TNKS: variants seen among roughly 807,000 people sequenced by gnomAD.
TNKS encodes poly [ADP-ribose] polymerase tankyrase-1.
A neutral mutation model predicts 135.8 loss-of-function variants in TNKS; 72 were observed. The observed-to-expected ratio is 0.53, with a 90% CI of 0.44 to 0.64. The LOEUF (loss-of-function observed/expected upper bound fraction) is 0.64, where lower values mean the gene tolerates loss of function less well. Among genes scored for constraint, TNKS ranks in the 30% least tolerant of loss-of-function variants. The pLI is 0.00. For synonymous variants in TNKS, 849 were observed against 649.3 expected (o/e 1.31, Z -4.68); for missense variants, 1,769 against 1,674.0 (o/e 1.06, Z -0.99).
intron 5 of TNKS, among the ~76,000 whole-genome samples, chr8:9,683,015 G>GA (rs1258208796): frequency 6.6e-6 from 1 of 151,690 alleles, no homozygotes; most frequent in Non-Finnish European, 1.5e-5. Flanking sequence ...AAATTAGATA[G>GA]AAAAAATTAA....
chr8:9,707,221 G>A (rs1804090495), intron 8 of TNKS, among the ~76,000 whole-genome samples: 1 of 152,062 alleles, frequency 6.6e-6, no homozygotes, highest in African/African-American at 2.4e-5. Context: ...TTCGTATGTT[G>A]AAGCTCCTTT....
chr8:9,639,734 T>C (rs1427244474), intron 3 of TNKS, among the ~76,000 whole-genome samples: 1 of 152,178 alleles, frequency 6.6e-6, no homozygotes, highest in Admixed American at 6.5e-5. Context: ...TCTTAGGGGA[T>C]TCTGGTTTGT....
At chr8:9,735,507 A>T in intron 17 of TNKS, 21 bp downstream of exon 17, 1 of 1,604,074 alleles carries the variant, frequency 6.2e-7, no homozygotes, top group African/African-American at 1.3e-5. Flanking sequence ...TAACATTAAA[A>T]TCTAGAAAAC....
At chr8:9,741,656 C>G (rs1401723970) in intron 17 of TNKS, 1 of 491,694 alleles carries the variant, frequency 2.0e-6, no homozygotes. Flanking sequence ...CTTTTGATCC[C>G]CATCAGTTAA....
chr8:9,779,695 A>G lies in TNKS; in HGVS notation c.*2959A>G, dbSNP rs1808382054. The G allele has an allele frequency of 6.6e-6, 1 of 152,172 alleles. No homozygotes were observed. Among genetic ancestry groups the G allele is most frequent in the Non-Finnish European group, 1.5e-5 (1 of 68,036 alleles). 9.4% of individuals were successfully genotyped at this position (152,172 alleles called of 1,614,324 possible). ...CTTGGGTCTTAAAAAAGGAGACCAG[A>G]TACCTCCTAGCTTTTGTATCACAAC... On this transcript the variant is annotated 3_prime_UTR_variant, in exon 27 of 27. Transcript: ENST00000310430.
chr8:9,687,266 G>A (rs1203245261), intron 5 of TNKS, among the ~76,000 whole-genome samples: 1 of 152,130 alleles, frequency 6.6e-6, no homozygotes, highest in East Asian at 1.9e-4. Context: ...TCAAAATGCA[G>A]TAAGTCTGCA....
chr8:9,692,295 TG>T (rs1803312282), intron 5 of TNKS, among the ~76,000 whole-genome samples: 2 of 152,114 alleles, frequency 1.3e-5, no homozygotes, highest in Non-Finnish European at 2.9e-5. Context: ...AACCTGTGTT[TG>T]GTTTGTTGTT....
At chr8:9,772,789 G>A (rs192632416) in intron 26 of TNKS, among the ~76,000 whole-genome samples, 1,837 of 144,364 alleles carry the variant, frequency 0.013, 37 homozygotes, top group African/African-American at 0.043. Flanking sequence ...ACGTTTTGGG[G>A]AGAATGTGTG....
Position 9,635,527 on chromosome 8 carries a change from T to A in TNKS, c.994+19850T>A, listed in dbSNP as rs1169014861. 2.0e-5 allele frequency among the ~76,000 whole-genome samples: 3 copies of A among 152,250 alleles called. No individual in the cohort carries two copies. In the East Asian group the frequency reaches 5.8e-4, roughly 29 times the overall value. On this transcript the variant is annotated intron_variant, in intron 3 of 26. Transcript: ENST00000310430. ...TCAGGGGCAAAGTTTGATGAGCAGC[T>A]GTATAATTATATGATTCTCAGCATG...
intron 2 of TNKS, among the ~76,000 whole-genome samples, chr8:9,591,007 C>T (rs1352190754): frequency 2.0e-5 from 3 of 152,200 alleles, no homozygotes; most frequent in Admixed American, 6.5e-5. Flanking sequence ...TGATTTAACT[C>T]TGTTGTCATC....
At chr8:9,759,100 G>C (rs1367275533) in intron 20 of TNKS, among the ~76,000 whole-genome samples, 1 of 152,148 alleles carries the variant, frequency 6.6e-6, no homozygotes, top group African/African-American at 2.4e-5. Context: ...TGATCTGCTA[G>C]TCACTTCTCA....
chr8:9,573,155 G>C (rs1585182545), intron 1 of TNKS, among the ~76,000 whole-genome samples: 1 of 151,938 alleles, frequency 6.6e-6, no homozygotes, highest in African/African-American at 2.4e-5. Flanking sequence ...TCCCAACTCA[G>C]CTTCTCTGAT....
intron 2 of TNKS, among the ~76,000 whole-genome samples, chr8:9,598,188 G>A (rs1299712736): frequency 6.6e-6 from 1 of 152,106 alleles, no homozygotes; most frequent in Non-Finnish European, 1.5e-5. Context: ...TGGGACTACA[G>A]GTGCCTGCCA....
intron 3 of TNKS, among the ~76,000 whole-genome samples, chr8:9,665,052 C>G (rs1341681130): frequency 6.6e-6 from 1 of 152,204 alleles, no homozygotes; most frequent in Non-Finnish European, 1.5e-5. Context: ...GAAATACTGA[C>G]AATGCTAATC....
intron 18 of TNKS, among the ~76,000 whole-genome samples, chr8:9,748,746 A>C (rs1806369954): frequency 6.6e-6 from 1 of 152,192 alleles, no homozygotes; most frequent in Admixed American, 6.5e-5. Context: ...TCATTTATTG[A>C]TTGCTGCGTA....
chr8:9,556,382 C>G lies in TNKS; in HGVS notation c.443C>G (p.Ser148Trp), dbSNP rs756500869. 10 of 1,614,114 alleles carry G rather than the reference C, an allele frequency of 6.2e-6. No homozygotes were observed. In the South Asian group the frequency reaches 7.7e-5, roughly 12 times the overall value. ...SSSSSPSSPG[S>W]SLAESPEAAG... Reference sequence around the variant, plus strand: ...TCTTCCTCTCCATCCTCCCCTGGATCGAGCTTGGCGGAGAGCCCCGAGGCG... The same window carrying G: ...TCTTCCTCTCCATCCTCCCCTGGATGGAGCTTGGCGGAGAGCCCCGAGGCG... Residue 148 changes from serine to tryptophan, a missense_variant, in exon 1 of 27, where the codon TCG becomes TGG. Ser to Trp is a radical substitution (Grantham distance 177). Coordinates refer to ENST00000310430, the MANE Select transcript of TNKS (RefSeq NM_003747.3).
intron 3 of TNKS, among the ~76,000 whole-genome samples, chr8:9,665,083 C>T (rs1457968175): frequency 3.9e-5 from 6 of 152,184 alleles, no homozygotes; most frequent in African/African-American, 1.4e-4. Flanking sequence ...CTATACTCAC[C>T]ACCTACTATC....
At chr8:9,571,576 G>C (rs11780757) in intron 1 of TNKS, among the ~76,000 whole-genome samples, 1 of 151,968 alleles carries the variant, frequency 6.6e-6, no homozygotes, top group African/African-American at 2.4e-5. Flanking sequence ...TCCTGCCTCA[G>C]CCTCCCAAGT....
Position 9,709,297 on chromosome 8 carries a change from C to T in TNKS, c.1579-658C>T, listed in dbSNP as rs138669096. Among the ~76,000 whole-genome samples the T allele has an allele frequency of 1.5e-3, 224 of 152,256 alleles. 1 individual carries two copies. The highest frequency in any genetic ancestry group is 2.0e-3 in the Non-Finnish European group (138 of 68,004). ...AGGGTTGAGATAGATTCAAGCTACACGGTGTTATGCTAGGAGATATTCATA... is the reference window on the plus strand; with the variant it reads ...AGGGTTGAGATAGATTCAAGCTACATGGTGTTATGCTAGGAGATATTCATA... On this transcript the variant is annotated intron_variant, in intron 9 of 26. Coordinates refer to ENST00000310430, the MANE Select transcript of TNKS (RefSeq NM_003747.3).
Sources: allele counts gnomAD v4.1 joint callset (sites outside exome capture counted in the v4.1 genomes callset), GRCh38; gene constraint gnomAD v4.1.1; transcripts MANE v1.5; gene names NCBI Gene and HGNC (gene_info 2026-07-23, HGNC 2026-07-21).